Variants in TAS2R1 observed in about 807,000 individuals in gnomAD.
The protein encoded by TAS2R1 is taste receptor type 2 member 1.
For missense variants in TAS2R1, 370 were observed against 353.4 expected (o/e 1.05, Z -0.38); for synonymous variants, 141 against 134.2 (o/e 1.05, Z -0.35).
intron 2 of TAS2R1, among the ~76,000 whole-genome samples, chr5:9,639,322 A>T (rs1740027704): frequency 6.6e-6 from 1 of 152,088 alleles, no homozygotes; most frequent in African/African-American, 2.4e-5. Flanking sequence ...TTCTACTTTT[A>T]TATTTGGCAC....
intron 2 of TAS2R1, among the ~76,000 whole-genome samples, chr5:9,640,507 A>AC (rs1554052282): frequency 1.3e-5 from 2 of 148,842 alleles, no homozygotes; most frequent in African/African-American, 2.5e-5. Context: ...TAAAAAAAAA[A>AC]AAAAAAAAAA....
chr5:9,896,224 C>T, the TAS2R1 span, among the ~76,000 whole-genome samples: 3 of 152,172 alleles, frequency 2.0e-5, no homozygotes, highest in South Asian at 2.1e-4. Context: ...TGGGACTTCA[C>T]GAATCTTACA....
chr5:9,700,185 G>C (rs1463297395), intron 1 of TAS2R1, among the ~76,000 whole-genome samples: 1 of 152,156 alleles, frequency 6.6e-6, no homozygotes, highest in South Asian at 2.1e-4. Context: ...TCAGGATTCT[G>C]AGTAAGTTGA....
intron 2 of TAS2R1, among the ~76,000 whole-genome samples, chr5:9,644,428 A>G (rs1375646501): frequency 6.6e-6 from 1 of 152,118 alleles, no homozygotes; most frequent in Non-Finnish European, 1.5e-5. Context: ...AGTGAGGGAA[A>G]GAGAGGAATC....
At chr5:9,684,282 G>A (rs1232649482) in intron 1 of TAS2R1, among the ~76,000 whole-genome samples, 1 of 152,218 alleles carries the variant, frequency 6.6e-6, no homozygotes, top group Non-Finnish European at 1.5e-5. Context: ...ATTGTGTTAA[G>A]TGAGTAAGTC....
At chr5:9,736,626 T>A in the TAS2R1 span, among the ~76,000 whole-genome samples, 1 of 152,220 alleles carries the variant, frequency 6.6e-6, no homozygotes, top group African/African-American at 2.4e-5. Flanking sequence ...CACTTCCTAA[T>A]TGCTGTTTCT....
At chr5:9,754,309 T>G in the TAS2R1 span, among the ~76,000 whole-genome samples, 1 of 152,136 alleles carries the variant, frequency 6.6e-6, no homozygotes, top group Non-Finnish European at 1.5e-5. Flanking sequence ...TCATACTGAA[T>G]GGGCAAAAAC....
At position 9,629,171 on chromosome 5, in the gene TAS2R1, C is replaced by T. The variant is rs1331920894; in HGVS notation, c.862G>A (p.Ala288Thr). ...ILGNPKLKQN[A>T]KKFLLHSKCC... ...TTACTGTGGAGGAGGAACTTTTTTG[C>T]ATTTTGTTTCAATTTAGGATTTCCT... Residue 288 changes from alanine (A) to threonine (T), a missense_variant, in exon 1 of 1, where the codon GCA (alanine) becomes ACA (threonine). Physicochemically the swap from Ala to Thr is moderately conservative, Grantham distance 58. Transcript: ENST00000382492. The T allele has an allele frequency of 1.5e-5, 23 of 1,581,398 alleles. No individual in the cohort carries two copies. The Admixed American group carries it at 2.9e-4, about 20-fold the overall frequency.
chr5:9,665,961 C>T (rs1740625275), intron 1 of TAS2R1, among the ~76,000 whole-genome samples: 1 of 152,078 alleles, frequency 6.6e-6, no homozygotes, highest in African/African-American at 2.4e-5. Context: ...TAAGATGTAG[C>T]CTTGCTAGGT....
intron 2 of TAS2R1, among the ~76,000 whole-genome samples, chr5:9,642,444 C>A (rs1278896967): frequency 6.6e-6 from 1 of 152,152 alleles, no homozygotes; most frequent in Admixed American, 6.5e-5. Flanking sequence ...CAGAGCTCGG[C>A]CCTTGTAAAG....
the TAS2R1 span, among the ~76,000 whole-genome samples, chr5:9,824,302 T>C: frequency 4.6e-5 from 7 of 152,328 alleles, no homozygotes; most frequent in African/African-American, 1.7e-4. Context: ...CCACTCATGC[T>C]TCTAGTATTT....
intron 2 of TAS2R1, among the ~76,000 whole-genome samples, chr5:9,638,358 G>C (rs777475752): frequency 2.0e-5 from 3 of 152,202 alleles, no homozygotes; most frequent in Non-Finnish European, 4.4e-5. Flanking sequence ...CTCTGTGAGA[G>C]CCCTTGATTG....
the TAS2R1 span, among the ~76,000 whole-genome samples, chr5:9,777,214 C>G: frequency 6.6e-6 from 1 of 152,198 alleles, no homozygotes; most frequent in Non-Finnish European, 1.5e-5. Context: ...GCATGCAATA[C>G]TGTTTGATAA....
chr5:9,832,091 G>A, the TAS2R1 span, among the ~76,000 whole-genome samples: 9 of 152,236 alleles, frequency 5.9e-5, no homozygotes, highest in Middle Eastern at 3.4e-3. Context: ...GCTCATCTCC[G>A]GCTTAGGTTC....
At chr5:9,898,824 G>A in the TAS2R1 span, among the ~76,000 whole-genome samples, 1 of 152,096 alleles carries the variant, frequency 6.6e-6, no homozygotes, top group African/African-American at 2.4e-5. Context: ...GCCTGGACAG[G>A]GATTAACCAA....
Position 9,629,371 on chromosome 5 carries a change from C to A in TAS2R1, c.662G>T (p.Gly221Val), listed in dbSNP as rs370795531. 1 of 1,614,038 alleles carries A rather than the reference C, an allele frequency of 6.2e-7. No homozygotes were observed. The highest frequency in any genetic ancestry group is 8.5e-7 in the Non-Finnish European group (1 of 1,179,982). The change falls in exon 1 of 1, where the codon GGT becomes GTT. Residue 221 changes from glycine (G) to valine (V), a missense_variant. Physicochemically the swap from Gly to Val is moderately radical, Grantham distance 109. Transcript: ENST00000382492. Reference protein sequence around the residue: ...TVAGSRVPGRGAPISALLSIL... With the variant: ...TVAGSRVPGRVAPISALLSIL... ...AGACAGCAACGCGCTGATGGGTGCACCCCTGCCAGGAACCCTGCTGCCGGC... is the reference window on the plus strand; with the variant it reads ...AGACAGCAACGCGCTGATGGGTGCAACCCTGCCAGGAACCCTGCTGCCGGC...
At chr5:9,794,069 GTGTCACCAGGATTTTTTAAAATCT>G in the TAS2R1 span, among the ~76,000 whole-genome samples, 5 of 152,168 alleles carry the variant, frequency 3.3e-5, no homozygotes, top group Non-Finnish European at 7.3e-5. Context: ...CCAGGGTTTT[GTGTCACCAGGATTTTTTAAAATCT>G]TGTAACCAGG....
the TAS2R1 span, among the ~76,000 whole-genome samples, chr5:9,780,999 T>C: frequency 8.2e-3 from 1,254 of 152,318 alleles, 17 homozygotes; most frequent in African/African-American, 0.029. Context: ...GCTCCCACAA[T>C]TGTGTGAGCC....
chr5:9,678,776 T>C (rs548385177), intron 1 of TAS2R1, among the ~76,000 whole-genome samples: 1 of 151,954 alleles, frequency 6.6e-6, no homozygotes, highest in East Asian at 1.9e-4. Context: ...CACTGGAGCC[T>C]GTTGGGGGGT....
Sources: allele counts gnomAD v4.1 joint callset (sites outside exome capture counted in the v4.1 genomes callset), GRCh38; gene constraint gnomAD v4.1.1; transcripts MANE v1.5; gene names NCBI Gene and HGNC (gene_info 2026-07-23, HGNC 2026-07-21).